The following ZBTB17 variants were observed in gnomAD, a reference collection of about 807,000 sequenced individuals.
ZBTB17 encodes zinc finger and BTB domain-containing protein 17.
A neutral mutation model predicts 85.1 loss-of-function variants in ZBTB17; 24 were observed. The observed-to-expected ratio is 0.28, with a 90% CI of 0.20 to 0.40. ZBTB17 has a LOEUF of 0.40. Ranked by LOEUF, ZBTB17 falls within the 10% of genes least tolerant of loss-of-function variation. The pLI, the probability that ZBTB17 is intolerant of heterozygous loss-of-function variation, is 1.00. For synonymous variants in ZBTB17, 464 were observed against 460.2 expected, an observed-to-expected ratio of 1.01 and a Z score of -0.11; for missense variants, 743 against 1,105.1, an observed-to-expected ratio of 0.67 and a Z score of 4.65.
At chr1:15,956,475 G>C (rs1465784984) in intron 2 of ZBTB17, among the ~76,000 whole-genome samples, 1 of 152,106 alleles carries the variant, frequency 6.6e-6, no homozygotes, top group Non-Finnish European at 1.5e-5. Flanking sequence ...TCTGGTGCTT[G>C]TTAACTGATA....
rs1032758535 is a variant in ZBTB17, at chr1:15,951,678, C to G, written c.-2-3181G>C. 6.6e-6 allele frequency among the ~76,000 whole-genome samples: 1 copy of G among 152,178 alleles called. No homozygotes were observed. Among genetic ancestry groups the G allele is most frequent in the African/African-American group, 2.4e-5 (1 of 41,452 alleles). On this transcript the variant is annotated intron_variant, in intron 2 of 15. Transcript: ENST00000375743. This position sits in a 1 kb window ranked among gnomAD's most constrained non-coding sequence, Gnocchi z 4.1. Reference sequence around the variant, plus strand: ...ACTAGGCAGTCCCCCACCTCCAACCCACGTGAACTGCTCTGGAGGGATCAC... The same window carrying G: ...ACTAGGCAGTCCCCCACCTCCAACCGACGTGAACTGCTCTGGAGGGATCAC...
At chr1:15,944,634 C>G (rs775349121) in intron 8 of ZBTB17, 34 bp from the exon 9 acceptor site, 1 of 1,600,412 alleles carries the variant, frequency 6.2e-7, no homozygotes, top group East Asian at 2.2e-5. Context: ...AGGCAGGGCT[C>G]GCTGGGGCGT....
At position 15,958,523 on chromosome 1, in the gene ZBTB17, A is replaced by G. The variant is rs1386319991; in HGVS notation, c.-2-10026T>C. ...TCAGGGCAGAAGGCCTGGGAACTCA[A>G]TTTCAATATAGAGGGATTCGGGGGT... On this transcript the variant is annotated intron_variant, in intron 2 of 15. Transcript: ENST00000375743. Among the ~76,000 whole-genome samples, 4 of 152,008 alleles carry G rather than the reference A, an allele frequency of 2.6e-5. No individual in the cohort carries two copies. In the East Asian group the frequency reaches 5.8e-4, roughly 22 times the overall value.
At chr1:15,962,484 C>A (rs1245743401) in intron 2 of ZBTB17, among the ~76,000 whole-genome samples, 1 of 152,030 alleles carries the variant, frequency 6.6e-6, no homozygotes, top group African/African-American at 2.4e-5. Flanking sequence ...CCAGTGCTCA[C>A]AATGATCCTG....
chr1:15,955,934 C>T (rs547410193), intron 2 of ZBTB17, among the ~76,000 whole-genome samples: 14 of 152,202 alleles, frequency 9.2e-5, no homozygotes, highest in Non-Finnish European at 1.9e-4. Flanking sequence ...TCTGCCTGAT[C>T]CCTGATGGAC....
At chr1:15,960,048 A>C (rs1276871504) in intron 2 of ZBTB17, among the ~76,000 whole-genome samples, 1 of 152,242 alleles carries the variant, frequency 6.6e-6, no homozygotes, top group Non-Finnish European at 1.5e-5. Context: ...CCTCGTGCTC[A>C]AACAGAGGAA....
chr1:15,945,786 AGCTCCACAGGCGGCG>A lies in ZBTB17; in HGVS notation c.575_589del (p.Pro192_Glu196del). 1.9e-6 allele frequency: 3 copies of A among 1,605,512 alleles called. No individual in the cohort carries two copies. Among genetic ancestry groups the A allele is most frequent in the Non-Finnish European group, 2.5e-6 (3 of 1,179,528 alleles). On this transcript the variant is annotated inframe_deletion, in exon 6 of 16. Coordinates refer to ENST00000375743, the MANE Select transcript of ZBTB17 (RefSeq NM_003443.3). ...CATGCCACTCGTGGGGTCTGGCTTG[AGCTCCACAGGCGGCG>A]GCTCCCGGGGCGCATCGGCTTTCTC... is the stretch of plus-strand genomic sequence containing the variant.
At chr1:15,949,593 TC>T in intron 2 of ZBTB17, among the ~76,000 whole-genome samples, 1 of 152,178 alleles carries the variant, frequency 6.6e-6, no homozygotes, top group East Asian at 1.9e-4. Flanking sequence ...CGGGGCTGGC[TC>T]CCCGGCTTCT....
rs752662499 is a variant in ZBTB17 at position 15,941,908 on chromosome 1, C to G, written c.*61G>C. 106 of 1,542,834 alleles carry G rather than the reference C, an allele frequency of 6.9e-5. No individual in the cohort carries two copies. The highest frequency in any genetic ancestry group is 8.6e-5 in the Non-Finnish European group (99 of 1,147,862). On this transcript the variant is annotated 3_prime_UTR_variant, in exon 16 of 16. Coordinates refer to ENST00000375743, the MANE Select transcript of ZBTB17 (RefSeq NM_003443.3). ...AATTTATTCTCTCTAGGGAACAGGC[C>G]ACCCTTCCCGGTTCCAGGGTGCCAT...
Position 15,964,621 on chromosome 1 carries a change from G to A in ZBTB17, c.-3+8418C>T, listed in dbSNP as rs2072374840. ...AGTCTCAGCTACTTGGGAGGCTGAGGCGGAAGGATAGCTTAAGCCTGGGAG... is the reference window on the plus strand; with the variant it reads ...AGTCTCAGCTACTTGGGAGGCTGAGACGGAAGGATAGCTTAAGCCTGGGAG... On this transcript the variant is annotated intron_variant, in intron 2 of 15. Coordinates refer to ENST00000375743, the MANE Select transcript of ZBTB17 (RefSeq NM_003443.3). The surrounding 1 kb of genome is among the most constrained non-coding windows in gnomAD (Gnocchi z 4.3). Among the ~76,000 whole-genome samples the A allele has an allele frequency of 6.6e-6, 1 of 152,294 alleles. No individual in the cohort carries two copies. The highest frequency in any genetic ancestry group is 1.9e-4 in the East Asian group (1 of 5,174).
chr1:15,971,438 C>CTA lies in ZBTB17; in HGVS notation c.-3+1599_-3+1600dup, dbSNP rs1196084594. Among the ~76,000 whole-genome samples, 12 of 87,886 alleles carry CTA rather than the reference C, an allele frequency of 1.4e-4. No homozygotes were observed. In the East Asian group the frequency reaches 2.0e-3, roughly 15 times the overall value. The allele number at this position is 87,886 out of a possible 152,430, so 57.7% of individuals were successfully genotyped here. A position where few individuals can be genotyped will look rare whatever the true frequency, so the allele number is the denominator to read the frequency against. ...CACACTATATATATATACACACACA[C>CTA]TATATATATACACACACACTATATA... is the stretch of plus-strand genomic sequence containing the variant. On this transcript the variant is annotated intron_variant, in intron 2 of 15. Coordinates refer to ENST00000375743, the MANE Select transcript of ZBTB17 (RefSeq NM_003443.3).
intron 2 of ZBTB17, among the ~76,000 whole-genome samples, chr1:15,949,800 G>A (rs556419862): frequency 3.9e-5 from 6 of 152,328 alleles, no homozygotes; most frequent in African/African-American, 9.6e-5. Context: ...AGCACAGGTC[G>A]GCCTTGAAGG....
chr1:15,957,574 A>G (rs1240975653), intron 2 of ZBTB17, among the ~76,000 whole-genome samples: 2 of 152,096 alleles, frequency 1.3e-5, no homozygotes, highest in Non-Finnish European at 2.9e-5. Flanking sequence ...ACGAAGAGTG[A>G]CAGAAAAGAG....
At chr1:15,960,076 C>G (rs991467170) in intron 2 of ZBTB17, among the ~76,000 whole-genome samples, 1 of 152,222 alleles carries the variant, frequency 6.6e-6, no homozygotes, top group African/African-American at 2.4e-5. Context: ...GACACTGCGA[C>G]GACACTGAAG....
At chr1:15,946,540 G>A (rs975115509) in intron 4 of ZBTB17, among the ~76,000 whole-genome samples, 1 of 152,246 alleles carries the variant, frequency 6.6e-6, no homozygotes, top group Non-Finnish European at 1.5e-5. Flanking sequence ...CCCCATGTGT[G>A]CACTAAGGGA....
In ZBTB17 at chr1:15,966,652, T is replaced by A. The variant is rs2072452337; in HGVS notation, c.-3+6387A>T. Among the ~76,000 whole-genome samples, 1 of 152,198 alleles carries A rather than the reference T, an allele frequency of 6.6e-6. No individual in the cohort carries two copies. Among genetic ancestry groups the A allele is most frequent in the African/African-American group, 2.4e-5 (1 of 41,444 alleles). The stretch of plus-strand genomic sequence containing the variant: ...ATCTGTGCTGACTGCATTACTGAGG[T>A]CAACCTTAATCACCCTGGGACTGTC... On this transcript the variant is annotated intron_variant, in intron 2 of 15. Coordinates refer to ENST00000375743, the MANE Select transcript of ZBTB17 (RefSeq NM_003443.3). The surrounding 1 kb of genome is among the most constrained non-coding windows in gnomAD (Gnocchi z 4.1).
rs375689879 is a variant in ZBTB17, at chr1:15,942,623, G to C, written c.1944C>G (p.Pro648=). 6.2e-7 allele frequency: 1 copy of C among 1,613,368 alleles called. No homozygotes were observed. Among genetic ancestry groups the C allele is most frequent in the East Asian group, 2.2e-5 (1 of 44,894 alleles). The change falls in exon 14 of 16, where the codon CCC becomes CCG. Residue 648 remains proline (P), a synonymous_variant. Transcript: ENST00000375743. ...QGKAGIKILE[P]EEGSEVSVVT... ...CCACGCTGACCTCACTGCCCTCCTC[G>C]GGCTCCAGGATCTTGATGCCTGCCT...
At chr1:15,971,440 A>ATATATATACACACACAC (rs1335952171) in intron 2 of ZBTB17, among the ~76,000 whole-genome samples, 1 of 84,006 alleles carries the variant, frequency 1.2e-5, no homozygotes, top group African/African-American at 4.2e-5. Flanking sequence ...CACACACACT[A>ATATATATACACACACAC]TATATATACA....
rs950141824 is a variant in ZBTB17, at chr1:15,952,418, G to A, written c.-2-3921C>T. On this transcript the variant is annotated intron_variant, in intron 2 of 15. Coordinates refer to ENST00000375743, the MANE Select transcript of ZBTB17 (RefSeq NM_003443.3). The surrounding 1 kb of genome is among the most constrained non-coding windows in gnomAD (Gnocchi z 4.3). Reference sequence around the variant, plus strand: ...GTCCGGACAGGCACACTGACACAGCGGAACAGACGCGGCAGAACCGACACG... The same window carrying A: ...GTCCGGACAGGCACACTGACACAGCAGAACAGACGCGGCAGAACCGACACG... 1.3e-5 allele frequency among the ~76,000 whole-genome samples: 2 copies of A among 152,230 alleles called. No homozygotes were observed. Among genetic ancestry groups the A allele is most frequent in the African/African-American group, 4.8e-5 (2 of 41,460 alleles).
Sources: gnomAD v4.1 joint callset for allele counts (sites outside exome capture counted in the v4.1 genomes callset) on GRCh38, gnomAD v4.1.1 for gene constraint, Gnocchi (gnomAD v3.1) non-coding constraint, MANE v1.5 for transcripts, NCBI Gene and HGNC (gene_info 2026-07-23, HGNC 2026-07-21) for gene names.